RAB28: variants seen among roughly 807,000 people sequenced by gnomAD.
RAB28 encodes ras-related protein Rab-28.
A neutral mutation model predicts 31.7 loss-of-function variants in RAB28; 24 were observed. That is an observed-to-expected ratio of 0.76 (90% confidence interval 0.55 to 1.06). The LOEUF (loss-of-function observed/expected upper bound fraction) is 1.06, where lower values mean the gene tolerates loss of function less well. Ranked by LOEUF, RAB28 falls within the 50% of genes least tolerant of loss-of-function variation. The probability of loss-of-function intolerance (pLI) is 0.00; values close to 1 mark genes in which losing one functional copy is unlikely to be tolerated. For synonymous variants in RAB28, 100 were observed against 90.4 expected, an observed-to-expected ratio of 1.11 and a Z score of -0.60; for missense variants, 254 against 258.5, an observed-to-expected ratio of 0.98 and a Z score of 0.12.
intron 3 of RAB28, chr4:13,474,105 T>G: frequency 1.4e-6 from 1 of 704,922 alleles, no homozygotes; most frequent in South Asian, 1.4e-5. Context: ...CGAAAGCTGT[T>G]CAGAGTTTTC....
At chr4:13,374,824 T>A (rs1377741070) in intron 6 of RAB28, among the ~76,000 whole-genome samples, 2 of 152,142 alleles carry the variant, frequency 1.3e-5, no homozygotes, top group Non-Finnish European at 2.9e-5. Context: ...AGATTAATTC[T>A]ACCTAAAAAC....
intron 4 of RAB28, among the ~76,000 whole-genome samples, chr4:13,382,221 G>C (rs1320529112): frequency 6.6e-6 from 1 of 152,120 alleles, no homozygotes; most frequent in Non-Finnish European, 1.5e-5. Context: ...AATAGTTGTA[G>C]GTGCTTTAAA....
intron 4 of RAB28, among the ~76,000 whole-genome samples, chr4:13,414,540 A>T (rs1367941373): frequency 6.6e-6 from 1 of 152,250 alleles, no homozygotes; most frequent in Non-Finnish European, 1.5e-5. Context: ...CCGAAAATAT[A>T]GTTCCTATGT....
rs182159828 is a variant in RAB28, at chr4:13,384,774, A to G, written c.392-3180T>C. 1.5e-3 allele frequency among the ~76,000 whole-genome samples: 234 copies of G among 152,364 alleles called. 1 individual carries two copies. Among genetic ancestry groups the G allele is most frequent in the Non-Finnish European group, 2.6e-3 (176 of 68,022 alleles). On this transcript the variant is annotated intron_variant, in intron 4 of 6. Coordinates refer to ENST00000330852, the MANE Select transcript of RAB28 (RefSeq NM_001017979.3). ...CCCCCAAAGATGAGAAAGAATGAAC[A>G]TAAGAACTCTAACAACTCAAAAAGC... is the stretch of plus-strand genomic sequence containing the variant.
chr4:13,479,359 T>G, intron 2 of RAB28, 71 bp downstream of exon 2: 1 of 1,174,902 alleles, frequency 8.5e-7, no homozygotes, highest in Non-Finnish European at 1.2e-6. Flanking sequence ...ATTTTACACA[T>G]TTCTTTCTTA....
intron 3 of RAB28, among the ~76,000 whole-genome samples, chr4:13,466,083 C>A (rs1715827477): frequency 6.6e-6 from 1 of 151,886 alleles, no homozygotes; most frequent in East Asian, 1.9e-4. Context: ...AATTGATTAA[C>A]AATTTCAAAG....
chr4:13,374,849 G>T (rs1412823696), intron 6 of RAB28, among the ~76,000 whole-genome samples: 1 of 151,908 alleles, frequency 6.6e-6, no homozygotes, highest in Non-Finnish European at 1.5e-5. Context: ...TTCATTTATT[G>T]CCCTACCTCA....
At chr4:13,445,561 T>C (rs1158669240) in intron 4 of RAB28, among the ~76,000 whole-genome samples, 1 of 152,216 alleles carries the variant, frequency 6.6e-6, no homozygotes, top group Non-Finnish European at 1.5e-5. Flanking sequence ...GGTCTTTTTG[T>C]TGATATTGTT....
At position 13,484,304 on chromosome 4, in the gene RAB28, C is replaced by A. The variant is rs890994683; in HGVS notation, c.-154G>T. On this transcript the variant is annotated 5_prime_UTR_variant, in exon 1 of 7. It introduces an in-frame stop codon into an upstream open reading frame of the 5' UTR. Coordinates refer to ENST00000330852, the MANE Select transcript of RAB28 (RefSeq NM_001017979.3). ...CAGGAGGTATTCGAGGAGAATCACT[C>A]GGCAAGCGCCATCTTGCCCACCTCC... The A allele has an allele frequency of 7.9e-5, 50 of 633,110 alleles. No homozygotes were observed. Among genetic ancestry groups the A allele is most frequent in the African/African-American group, 7.8e-4 (43 of 55,014 alleles). The allele number at this position is 633,110 out of a possible 1,614,324, so 39.2% of individuals were successfully genotyped here. A position where few individuals can be genotyped will look rare whatever the true frequency, so the allele number is the denominator to read the frequency against.
chr4:13,483,890 GA>G (rs1577258341), intron 1 of RAB28, among the ~76,000 whole-genome samples, 185 bp downstream of exon 1: 2 of 152,314 alleles, frequency 1.3e-5, no homozygotes, highest in East Asian at 3.9e-4. Context: ...GGGGGAGCTG[GA>G]CAGCTCTCGT....
intron 6 of RAB28, chr4:13,370,921 A>T: frequency 1.0e-6 from 1 of 966,868 alleles, no homozygotes; most frequent in Non-Finnish European, 1.2e-6. Flanking sequence ...ACCATATGTG[A>T]CAAATATGTA....
intron 4 of RAB28, among the ~76,000 whole-genome samples, chr4:13,416,274 G>A (rs959606078): frequency 1.3e-5 from 2 of 152,246 alleles, no homozygotes; most frequent in South Asian, 4.1e-4. Context: ...CTGCCTTTAT[G>A]AGCTGTAACA....
chr4:13,475,848 G>T (rs1716338997), intron 2 of RAB28, among the ~76,000 whole-genome samples: 1 of 151,536 alleles, frequency 6.6e-6, no homozygotes, highest in African/African-American at 2.4e-5. Context: ...ATTCAAGGCT[G>T]AATTCTTCTA....
chr4:13,419,130 A>C (rs1412354067), intron 4 of RAB28, among the ~76,000 whole-genome samples: 1 of 152,228 alleles, frequency 6.6e-6, no homozygotes, highest in African/African-American at 2.4e-5. Context: ...CATTAAAAAA[A>C]CAAAGATCAA....
chr4:13,370,012 A>G (rs1288432032), intron 6 of RAB28: 9 of 1,580,044 alleles, frequency 5.7e-6, no homozygotes, highest in Non-Finnish European at 7.7e-6. Flanking sequence ...AAAGAATTAA[A>G]AAAAAAAAGA....
At chr4:13,379,818 C>T (rs967206171) in intron 5 of RAB28, among the ~76,000 whole-genome samples, 3 of 152,004 alleles carry the variant, frequency 2.0e-5, no homozygotes, top group African/African-American at 7.3e-5. Context: ...AGTATAGTAA[C>T]CCAGGAGCTC....
intron 4 of RAB28, among the ~76,000 whole-genome samples, chr4:13,389,012 T>G (rs1228471242): frequency 1.3e-5 from 2 of 152,076 alleles, no homozygotes; most frequent in African/African-American, 4.8e-5. Context: ...ACATCCAAGT[T>G]TACAACAGCA....
At chr4:13,376,464 A>G in intron 6 of RAB28, 81 bp downstream of exon 6, 1 of 997,958 alleles carries the variant, frequency 1.0e-6, no homozygotes. Context: ...GAAGGCATAA[A>G]TGGGAAAGAA....
Position 13,460,816 on chromosome 4 carries a change from C to T in RAB28, c.274G>A (p.Val92Ile), listed in dbSNP as rs1294962224. ...CTTTGATAATTTGTAATATCATATA[C>T]CAAGAGGACTCCCTGTCACAAAAGA... ...YIYGAQGVLL[V>I]YDITNYQSFE... The change falls in exon 4 of 7, where the codon GTA (valine) becomes ATA (isoleucine). Residue 92 changes from valine to isoleucine, a missense_variant. Val to Ile is a conservative substitution (Grantham distance 29). Coordinates refer to ENST00000330852, the MANE Select transcript of RAB28 (RefSeq NM_001017979.3). 6.2e-7 allele frequency: 1 copy of T among 1,611,750 alleles called. No homozygotes were observed. Among genetic ancestry groups the T allele is most frequent in the South Asian group, 1.1e-5 (1 of 90,846 alleles).
Sources: allele counts gnomAD v4.1 joint callset (sites outside exome capture counted in the v4.1 genomes callset), GRCh38; gene constraint gnomAD v4.1.1; transcripts MANE v1.5; gene names NCBI Gene and HGNC (gene_info 2026-07-23, HGNC 2026-07-21).